KCNAB1: variants seen among roughly 807,000 people sequenced by gnomAD.
KCNAB1 encodes the protein voltage-gated potassium channel subunit beta-1.
In KCNAB1, 35 loss-of-function variants were observed where a neutral mutation model predicts 64.6. That is an observed-to-expected ratio of 0.54 (90% CI 0.41 to 0.72). The LOEUF (loss-of-function observed/expected upper bound fraction) is 0.72, where lower values mean the gene tolerates loss of function less well. Among genes scored for constraint, KCNAB1 ranks in the 30% least tolerant of loss-of-function variants. KCNAB1 has a pLI of 0.00. For synonymous variants in KCNAB1, 177 were observed against 183.8 expected, an observed-to-expected ratio of 0.96 and a Z score of 0.30; for missense variants, 401 against 512.9, an observed-to-expected ratio of 0.78 and a Z score of 2.11.
At position 156,291,186 on chromosome 3, in the gene KCNAB1, G is replaced by T. The variant is rs978432880; in HGVS notation, c.276-130430G>T. ...CACAAAGGCAAAGAGCTCCTTAAAG[G>T]GACCTGCCTGCTCCTCCGTGCAGCT... On this transcript the variant is annotated intron_variant, in intron 1 of 13. Coordinates refer to ENST00000490337, the MANE Select transcript of KCNAB1 (RefSeq NM_172160.3). The T allele has an allele frequency of 3.0e-6, 3 of 985,588 alleles. No homozygotes were observed. The African/African-American group carries it at 5.2e-5, about 17-fold the overall frequency. The allele number at this position is 985,588 out of a possible 1,614,324, so 61.1% of individuals were successfully genotyped here. A position where few individuals can be genotyped will look rare whatever the true frequency, so the allele number is the denominator to read the frequency against.
intron 1 of KCNAB1, among the ~76,000 whole-genome samples, chr3:156,368,089 G>T (rs549175570): frequency 6.6e-6 from 1 of 152,280 alleles, no homozygotes; most frequent in African/African-American, 2.4e-5. Context: ...GCCAAATTTA[G>T]CAAATAAAAA....
At chr3:156,234,574 G>A (rs1280150465) in intron 1 of KCNAB1, among the ~76,000 whole-genome samples, 1 of 152,158 alleles carries the variant, frequency 6.6e-6, no homozygotes, top group East Asian at 1.9e-4. Context: ...GAGTGGGGAT[G>A]GGTTGGGGGG....
At chr3:156,221,936 T>C (rs1715790777) in intron 1 of KCNAB1, among the ~76,000 whole-genome samples, 2 of 151,850 alleles carry the variant, frequency 1.3e-5, no homozygotes, top group African/African-American at 4.8e-5. Flanking sequence ...TTGAGACAAA[T>C]CCTCAAAATA....
At chr3:156,316,984 A>C (rs1261187925) in intron 1 of KCNAB1, among the ~76,000 whole-genome samples, 2 of 152,210 alleles carry the variant, frequency 1.3e-5, no homozygotes, top group Admixed American at 6.5e-5. Context: ...TATATGAGAT[A>C]AGATGAGAGA....
At chr3:156,199,013 G>C (rs946769214) in intron 1 of KCNAB1, among the ~76,000 whole-genome samples, 1 of 146,092 alleles carries the variant, frequency 6.8e-6, no homozygotes, top group African/African-American at 2.6e-5. Context: ...GGCAGGCCTG[G>C]TGGTGGCAAT....
At chr3:156,162,204 C>T (rs1160429611) in intron 1 of KCNAB1, among the ~76,000 whole-genome samples, 1 of 151,972 alleles carries the variant, frequency 6.6e-6, no homozygotes, top group Non-Finnish European at 1.5e-5. Context: ...TAAACATTGC[C>T]TATGGCCAAA....
intron 1 of KCNAB1, among the ~76,000 whole-genome samples, chr3:156,284,934 C>T (rs938670261): frequency 6.6e-6 from 1 of 152,242 alleles, no homozygotes; most frequent in Non-Finnish European, 1.5e-5. Context: ...CTTCGTCGCT[C>T]TTGCTGGGAG....
At chr3:156,476,560 CAT>C (rs1714370836) in intron 8 of KCNAB1, among the ~76,000 whole-genome samples, 7 of 138,208 alleles carry the variant, frequency 5.1e-5, no homozygotes, top group Non-Finnish European at 6.6e-5. Flanking sequence ...CACACACACA[CAT>C]ATACACACAC....
At chr3:156,164,927 A>G (rs1334935325) in intron 1 of KCNAB1, among the ~76,000 whole-genome samples, 1 of 152,330 alleles carries the variant, frequency 6.6e-6, no homozygotes, top group African/African-American at 2.4e-5. Flanking sequence ...TGCTGTTTAC[A>G]TTTTTGTTAC....
chr3:156,253,347 C>G (rs923656722), intron 1 of KCNAB1, among the ~76,000 whole-genome samples: 5 of 152,240 alleles, frequency 3.3e-5, no homozygotes, highest in Non-Finnish European at 5.9e-5. Flanking sequence ...CATCCCCTCC[C>G]CACAAGGTCC....
intron 1 of KCNAB1, among the ~76,000 whole-genome samples, chr3:156,359,823 T>A (rs1404319773): frequency 6.6e-6 from 1 of 152,206 alleles, no homozygotes; most frequent in Non-Finnish European, 1.5e-5. Flanking sequence ...TATAGATTTG[T>A]CAGAGTTCCA....
At chr3:156,225,300 C>G (rs78239768) in intron 1 of KCNAB1, among the ~76,000 whole-genome samples, 212 of 152,220 alleles carry the variant, frequency 1.4e-3, no homozygotes, top group African/African-American at 4.9e-3. Flanking sequence ...ACCACACAAA[C>G]AAAATTAAAA....
At chr3:156,176,074 T>G in intron 1 of KCNAB1, 2 of 770,038 alleles carry the variant, frequency 2.6e-6, no homozygotes, top group South Asian at 2.7e-5. Flanking sequence ...CTTTTCAAAG[T>G]TGTGCACATT....
intron 2 of KCNAB1, among the ~76,000 whole-genome samples, chr3:156,426,288 A>G (rs962489419): frequency 2.0e-5 from 3 of 152,076 alleles, no homozygotes; most frequent in Non-Finnish European, 2.9e-5. Context: ...CTTTTTCTGC[A>G]TATTATTATT....
intron 1 of KCNAB1, among the ~76,000 whole-genome samples, chr3:156,303,066 A>G (rs547707407): frequency 2.0e-5 from 3 of 152,300 alleles, no homozygotes; most frequent in Non-Finnish European, 2.9e-5. Context: ...TGGAGGAGAA[A>G]AGAAGGAGTT....
At chr3:156,176,890 T>G (rs1712414882) in intron 1 of KCNAB1, 1 of 1,145,912 alleles carries the variant, frequency 8.7e-7, no homozygotes, top group East Asian at 2.3e-5. Flanking sequence ...TCTGGGCCTG[T>G]ACGCTTCTGC....
chr3:156,526,694 C>A (rs1411593607), intron 12 of KCNAB1, among the ~76,000 whole-genome samples: 1 of 152,186 alleles, frequency 6.6e-6, no homozygotes, highest in Non-Finnish European at 1.5e-5. Flanking sequence ...TGTCTTGTCT[C>A]CTTCATCACC....
At position 156,357,383 on chromosome 3, in the gene KCNAB1, C is replaced by T. The variant is rs565762996; in HGVS notation, c.276-64233C>T. Among the ~76,000 whole-genome samples the T allele has an allele frequency of 8.1e-4, 123 of 152,224 alleles. 2 individuals carry two copies. The South Asian group carries it at 0.023, about 29-fold the overall frequency. On this transcript the variant is annotated intron_variant, in intron 1 of 13. Coordinates refer to ENST00000490337, the MANE Select transcript of KCNAB1 (RefSeq NM_172160.3). ...TTGAGCTGTAAGAGAAAATTTTTTA[C>T]GAGACCCTCAAGAACTCAATTTCTT...
intron 1 of KCNAB1, among the ~76,000 whole-genome samples, chr3:156,196,651 A>T (rs150695572): frequency 0.043 from 6,570 of 152,224 alleles, 178 homozygotes; most frequent in East Asian, 0.093. Flanking sequence ...ATTTTTGCAC[A>T]TTGATTTTGT....
Sources: allele counts gnomAD v4.1 joint callset (sites outside exome capture counted in the v4.1 genomes callset), GRCh38; gene constraint gnomAD v4.1.1; transcripts MANE v1.5; gene names NCBI Gene and HGNC (gene_info 2026-07-23, HGNC 2026-07-21).